Variants in LRMDA observed in about 807,000 individuals in gnomAD.
The protein encoded by LRMDA is leucine rich melanocyte differentiation associated, also known as leucine-rich melanocyte differentiation-associated protein.
LRMDA carries 18 observed loss-of-function variants against 29.8 expected under a neutral mutation model. The observed-to-expected ratio is 0.60, with a 90% CI of 0.42 to 0.90. LRMDA has a LOEUF of 0.90. Among genes scored for constraint, LRMDA ranks in the 40% least tolerant of loss-of-function variants. The pLI is 0.00. For missense variants in LRMDA, 273 were observed against 273.9 expected (o/e 1.00, Z 0.02); for synonymous variants, 125 against 109.4 (o/e 1.14, Z -0.89).
intron 2 of LRMDA, among the ~76,000 whole-genome samples, chr10:75,707,563 G>A (rs1315941001): frequency 6.6e-6 from 1 of 152,216 alleles, no homozygotes; most frequent in African/African-American, 2.4e-5. Context: ...GACCCAGGGA[G>A]GGCTTTATGA....
intron 5 of LRMDA, among the ~76,000 whole-genome samples, chr10:76,155,978 T>C (rs1205467100): frequency 6.6e-6 from 1 of 152,200 alleles, no homozygotes; most frequent in African/African-American, 2.4e-5. Flanking sequence ...AATTGTGTTC[T>C]TAAAACAAAA....
chr10:75,481,219 G>A (rs1371504888), intron 2 of LRMDA, among the ~76,000 whole-genome samples: 1 of 152,064 alleles, frequency 6.6e-6, no homozygotes, highest in Non-Finnish European at 1.5e-5. Context: ...GGGTTGGGTG[G>A]GGCAGTTTAG....
intron 5 of LRMDA, among the ~76,000 whole-genome samples, chr10:76,088,749 A>G (rs1023048533): frequency 1.3e-5 from 2 of 152,248 alleles, no homozygotes; most frequent in Admixed American, 6.5e-5. Context: ...CAAAGTTAAT[A>G]AAATAATTCT....
intron 2 of LRMDA, among the ~76,000 whole-genome samples, chr10:75,739,227 T>C (rs780320397): frequency 1.3e-5 from 2 of 152,226 alleles, no homozygotes; most frequent in Non-Finnish European, 2.9e-5. Flanking sequence ...CTAAGATGTA[T>C]GTTAATACAT....
intron 5 of LRMDA, among the ~76,000 whole-genome samples, chr10:76,089,370 G>T (rs1453107344): frequency 6.6e-6 from 1 of 152,212 alleles, no homozygotes; most frequent in African/African-American, 2.4e-5. Flanking sequence ...TTAAGAATGA[G>T]TTGGGGAACT....
chr10:75,930,295 C>G (rs1846185529), intron 2 of LRMDA, among the ~76,000 whole-genome samples: 1 of 151,876 alleles, frequency 6.6e-6, no homozygotes, highest in Non-Finnish European at 1.5e-5. Context: ...AAGCTGTTTT[C>G]TGTGTTGAGC....
intron 6 of LRMDA, among the ~76,000 whole-genome samples, chr10:76,473,709 G>A (rs12778475): frequency 5.9e-5 from 9 of 151,418 alleles, no homozygotes; most frequent in African/African-American, 1.7e-4. Context: ...AACATCCATC[G>A]TAATTGTGAA....
chr10:75,722,348 G>C (rs1842578779), intron 2 of LRMDA, among the ~76,000 whole-genome samples: 1 of 152,120 alleles, frequency 6.6e-6, no homozygotes, highest in African/African-American at 2.4e-5. Flanking sequence ...TTTGTACCTT[G>C]ATTGTTTTCA....
chr10:75,876,480 A>G (rs562123677), intron 2 of LRMDA, among the ~76,000 whole-genome samples: 1 of 152,282 alleles, frequency 6.6e-6, no homozygotes, highest in African/African-American at 2.4e-5. Flanking sequence ...GGCATAAGAA[A>G]AAAATCGAAA....
chr10:76,107,167 A>G (rs1202247356), intron 5 of LRMDA, among the ~76,000 whole-genome samples: 1 of 152,154 alleles, frequency 6.6e-6, no homozygotes, highest in East Asian at 1.9e-4. Context: ...CACTTCTTCC[A>G]GGTGTTGCTC....
intron 3 of LRMDA, 27 bp downstream of exon 3, chr10:76,036,161 C>G: frequency 6.2e-7 from 1 of 1,600,962 alleles, no homozygotes; most frequent in Non-Finnish European, 8.5e-7. Context: ...CCGCTGCCCC[C>G]ACTCCCCACC....
intron 5 of LRMDA, among the ~76,000 whole-genome samples, chr10:76,131,550 T>G (rs1849992711): frequency 6.6e-6 from 1 of 152,224 alleles, no homozygotes; most frequent in Admixed American, 6.5e-5. Flanking sequence ...CAAAATTGCC[T>G]TTTAGGCAAT....
chr10:75,490,642 G>A (rs1325779772), intron 2 of LRMDA, among the ~76,000 whole-genome samples: 1 of 152,154 alleles, frequency 6.6e-6, no homozygotes, highest in Admixed American at 6.5e-5. Context: ...CTCCAGAGAG[G>A]CATTGATTAT....
intron 2 of LRMDA, among the ~76,000 whole-genome samples, chr10:76,020,920 CAGTT>C (rs1260780522): frequency 6.6e-6 from 1 of 152,184 alleles, no homozygotes; most frequent in Admixed American, 6.5e-5. Context: ...AATTTTCCCT[CAGTT>C]AGTGTTCTCT....
chr10:76,148,710 C>T (rs960499357), intron 5 of LRMDA, among the ~76,000 whole-genome samples: 1 of 152,184 alleles, frequency 6.6e-6, no homozygotes, highest in African/African-American at 2.4e-5. Context: ...TGCACCTACT[C>T]TCTGGCACTC....
At chr10:76,281,021 T>C (rs1840196925) in intron 5 of LRMDA, among the ~76,000 whole-genome samples, 2 of 152,184 alleles carry the variant, frequency 1.3e-5, no homozygotes, top group African/African-American at 4.8e-5. Flanking sequence ...CCACACACAT[T>C]GAGTCCCCGT....
chr10:75,778,040 CCA>C (rs1189103939), intron 2 of LRMDA, among the ~76,000 whole-genome samples: 1 of 152,090 alleles, frequency 6.6e-6, no homozygotes, highest in African/African-American at 2.4e-5. Context: ...CACCCTAGCC[CCA>C]GAGTAGAGAT....
intron 5 of LRMDA, among the ~76,000 whole-genome samples, chr10:76,201,187 C>T (rs1392188772): frequency 2.7e-5 from 4 of 150,206 alleles, no homozygotes; most frequent in Middle Eastern, 6.9e-3. Context: ...ACCTCTACCT[C>T]CTGGGTACAA....
chr10:76,409,870 C>T (rs1355106949), intron 6 of LRMDA, among the ~76,000 whole-genome samples: 2 of 152,136 alleles, frequency 1.3e-5, no homozygotes, highest in African/African-American at 4.8e-5. Context: ...ATAGAATCTA[C>T]AAAAACAAAT....
Sources: allele counts gnomAD v4.1 joint callset (sites outside exome capture counted in the v4.1 genomes callset), GRCh38; gene constraint gnomAD v4.1.1; transcripts MANE v1.5; gene names NCBI Gene and HGNC (gene_info 2026-07-23, HGNC 2026-07-21).